The following LMX1B variants were observed in gnomAD, a reference collection of about 807,000 sequenced individuals.
The protein encoded by LMX1B is LIM homeobox transcription factor 1-beta.
LMX1B carries 12 observed loss-of-function variants against 51.4 expected under a neutral mutation model. That is an observed-to-expected ratio of 0.23 (90% confidence interval 0.15 to 0.38). The LOEUF is 0.38. Ranked by LOEUF, LMX1B falls within the 10% of genes least tolerant of loss-of-function variation. LMX1B has a pLI of 1.00. For missense variants in LMX1B, 445 were observed against 571.1 expected, an observed-to-expected ratio of 0.78 and a Z score of 2.25; for synonymous variants, 237 against 235.4, an observed-to-expected ratio of 1.01 and a Z score of -0.06.
At chr9:126,651,423 G>A (rs1836005166) in intron 2 of LMX1B, among the ~76,000 whole-genome samples, 1 of 151,996 alleles carries the variant, frequency 6.6e-6, no homozygotes, top group Non-Finnish European at 1.5e-5. Context: ...GGGGGCGGGG[G>A]TCAGCCCAGA....
chr9:126,667,921 GTGT>G (rs1836374795), intron 2 of LMX1B, among the ~76,000 whole-genome samples: 1 of 152,224 alleles, frequency 6.6e-6, no homozygotes, highest in African/African-American at 2.4e-5. Context: ...GGTCTGGAAG[GTGT>G]TGTTTGTTTT....
intron 2 of LMX1B, among the ~76,000 whole-genome samples, chr9:126,656,080 G>C (rs1836110788): frequency 6.6e-6 from 1 of 152,204 alleles, no homozygotes; most frequent in Non-Finnish European, 1.5e-5. Flanking sequence ...TAGCAGCCCA[G>C]GTGGAAGGAA....
intron 2 of LMX1B, among the ~76,000 whole-genome samples, chr9:126,665,954 A>T (rs1233696412): frequency 6.6e-6 from 1 of 152,258 alleles, no homozygotes; most frequent in East Asian, 1.9e-4. Flanking sequence ...GGAGAGGCTG[A>T]GATGTGCTGG....
Position 126,680,848 on chromosome 9 carries a change from G to A in LMX1B, c.327-9988G>A, listed in dbSNP as rs187428281. 1.2e-4 allele frequency among the ~76,000 whole-genome samples: 19 copies of A among 152,292 alleles called. No homozygotes were observed. The East Asian group carries it at 3.7e-3, about 29-fold the overall frequency. ...CACAGTGCCTGGCACATCATAGCTCGCAGCCTCCCTGATGCCCGGTTGGTC... is the reference window on the plus strand; with the variant it reads ...CACAGTGCCTGGCACATCATAGCTCACAGCCTCCCTGATGCCCGGTTGGTC... On this transcript the variant is annotated intron_variant, in intron 2 of 7. Transcript: ENST00000373474.
Position 126,671,210 on chromosome 9 carries a change from T to C in LMX1B, c.327-19626T>C, listed in dbSNP as rs1475956875. 1.3e-5 allele frequency among the ~76,000 whole-genome samples: 2 copies of C among 152,206 alleles called. No individual in the cohort carries two copies. The highest frequency in any genetic ancestry group is 4.8e-5 in the African/African-American group (2 of 41,458). ...CAGCTCTGCTTCGCCACCGCCGAGC[T>C]CTGAGCTGGGGGGAGGGGACCCCGC... is the stretch of plus-strand genomic sequence containing the variant. On this transcript the variant is annotated intron_variant, in intron 2 of 7. Transcript: ENST00000373474. This position sits in a 1 kb window ranked among gnomAD's most constrained non-coding sequence, Gnocchi z 4.4.
At position 126,615,676 on chromosome 9, in the gene LMX1B, C is replaced by A. The variant is rs1835290736; in HGVS notation, c.326+107C>A. On this transcript the variant is annotated intron_variant, in intron 2 of 7. Coordinates refer to ENST00000373474, the MANE Select transcript of LMX1B (RefSeq NM_001174147.2). This position sits in a 1 kb window ranked among gnomAD's most constrained non-coding sequence, Gnocchi z 6.0. ...GCTCTGCCGCCGGCTCTGTGCGCGG[C>A]TGGGCCGGGCAGCTCCAAGGGTTCC... 9.6e-7 allele frequency: 1 copy of A among 1,042,218 alleles called. No homozygotes were observed. The highest frequency in any genetic ancestry group is 1.3e-6 in the Non-Finnish European group (1 of 748,942). 64.6% of individuals were successfully genotyped at this position (1,042,218 alleles called of 1,614,324 possible).
chr9:126,660,066 G>T (rs1396875319), intron 2 of LMX1B, among the ~76,000 whole-genome samples: 1 of 150,144 alleles, frequency 6.7e-6, no homozygotes, highest in African/African-American at 2.5e-5. Flanking sequence ...CTGCGTGGGG[G>T]TGTCTACACT....
Position 126,614,416 on chromosome 9 carries a change from CG to C in LMX1B, c.-32del. ...TGGACGGGCCGGCGGGCGAGCAGCC[CG>C]GCCGGCGGGGTCCGCAGCGCGCCCC... On this transcript the variant is annotated 5_prime_UTR_variant, in exon 1 of 8. Transcript: ENST00000373474. 7.0e-7 allele frequency: 1 copy of C among 1,424,604 alleles called. No homozygotes were observed. The highest frequency in any genetic ancestry group is 9.2e-7 in the Non-Finnish European group (1 of 1,084,316). The allele number at this position is 1,424,604 out of a possible 1,614,324, so 88.2% of individuals were successfully genotyped here. A position where few individuals can be genotyped will look rare whatever the true frequency, so the allele number is the denominator to read the frequency against.
intron 2 of LMX1B, among the ~76,000 whole-genome samples, chr9:126,689,231 G>C (rs1003943405): frequency 1.3e-5 from 2 of 152,212 alleles, no homozygotes; most frequent in East Asian, 1.9e-4. Context: ...GCTCTGGCCA[G>C]TGCCCAGGCA....
chr9:126,642,617 C>T (rs977385442), intron 2 of LMX1B, among the ~76,000 whole-genome samples: 1 of 152,248 alleles, frequency 6.6e-6, no homozygotes, highest in Non-Finnish European at 1.5e-5. Flanking sequence ...GGCTTTGCCA[C>T]CGTCTCCCTC....
intron 2 of LMX1B, among the ~76,000 whole-genome samples, chr9:126,638,374 T>TCTGCACCACCCTGCAGCCC (rs1450434018): frequency 1.3e-5 from 2 of 151,836 alleles, no homozygotes; most frequent in Non-Finnish European, 1.5e-5. Flanking sequence ...CCCTGCAGCC[T>TCTGCACCACCCTGCAGCCC]CTGCACCACC....
At position 126,614,303 on chromosome 9, in the gene LMX1B, C is replaced by G; in HGVS notation, c.-147C>G. 1 of 367,176 alleles carries G rather than the reference C, an allele frequency of 2.7e-6. No individual in the cohort carries two copies. The highest frequency in any genetic ancestry group is 1.1e-4 in the South Asian group (1 of 9,482). The allele number at this position is 367,176 out of a possible 1,614,324, so 22.7% of individuals were successfully genotyped here. ...CCGGGGCCCGGGGCCAGCGCGTCGC[C>G]GCTCCACGATCGCCGGGGGCCGGCG... On this transcript the variant is annotated 5_prime_UTR_variant, in exon 1 of 8. Transcript: ENST00000373474.
At chr9:126,685,597 T>C (rs1217211622) in intron 2 of LMX1B, among the ~76,000 whole-genome samples, 1 of 151,462 alleles carries the variant, frequency 6.6e-6, no homozygotes, top group Non-Finnish European at 1.5e-5. Flanking sequence ...CTACTGAGAG[T>C]AGAGAGACCT....
At chr9:126,674,390 G>GA (rs886096558) in intron 2 of LMX1B, among the ~76,000 whole-genome samples, 3 of 119,378 alleles carry the variant, frequency 2.5e-5, no homozygotes, top group Non-Finnish European at 5.6e-5. Context: ...GGAGGAGGCT[G>GA]GGGGGGCATT....
At chr9:126,686,935 C>G (rs2118978954) in intron 2 of LMX1B, among the ~76,000 whole-genome samples, 2 of 152,334 alleles carry the variant, frequency 1.3e-5, no homozygotes, top group Middle Eastern at 6.8e-3. Flanking sequence ...CAGGAGTGCT[C>G]TGTCCAGATC....
At position 126,638,019 on chromosome 9, in the gene LMX1B, G is replaced by T. The variant is rs79257897; in HGVS notation, c.326+22450G>T. 2.4e-3 allele frequency among the ~76,000 whole-genome samples: 361 copies of T among 151,276 alleles called. 2 individuals are homozygous for T. Among genetic ancestry groups the T allele is most frequent in the African/African-American group, 8.4e-3 (348 of 41,226 alleles). Reference sequence around the variant, plus strand: ...CTCCCGCTCCGCAGCCCTGCCCGGGGACCTGCTTTGGCCCATGGCAGGCAG... The same window carrying T: ...CTCCCGCTCCGCAGCCCTGCCCGGGTACCTGCTTTGGCCCATGGCAGGCAG... On this transcript the variant is annotated intron_variant, in intron 2 of 7. Coordinates refer to ENST00000373474, the MANE Select transcript of LMX1B (RefSeq NM_001174147.2).
rs1564145908 is a variant in LMX1B, at chr9:126,621,652, C to CCTTTTTTTTTT, written c.326+6083_326+6084insCTTTTTTTTTT. Reference sequence around the variant, plus strand: ...CTATAGGGTTTTTCTCTCTCTCTCTCTTCTTTTTTTTTTTTTTTTTTTTTT... The same window carrying CCTTTTTTTTTT: ...CTATAGGGTTTTTCTCTCTCTCTCTCCTTTTTTTTTTTTCTTTTTTTTTTTTTTTTTTTTTT... On this transcript the variant is annotated intron_variant, in intron 2 of 7. Coordinates refer to ENST00000373474, the MANE Select transcript of LMX1B (RefSeq NM_001174147.2). Among the ~76,000 whole-genome samples, 3 of 100,306 alleles carry CCTTTTTTTTTT rather than the reference C, an allele frequency of 3.0e-5. 1 individual carries two copies. 65.8% of individuals were successfully genotyped at this position (100,306 alleles called of 152,430 possible). A position where few individuals can be genotyped will look rare whatever the true frequency, so the allele number is the denominator to read the frequency against.
chr9:126,661,145 C>T (rs1286403428), intron 2 of LMX1B, among the ~76,000 whole-genome samples: 1 of 152,220 alleles, frequency 6.6e-6, no homozygotes, highest in Admixed American at 6.5e-5. Flanking sequence ...AGGACAACCT[C>T]TGAGGCCAGT....
rs941409701 is a variant in LMX1B, at chr9:126,699,911, A to T, written c.*3460A>T. 2 of 152,242 alleles carry T rather than the reference A, an allele frequency of 1.3e-5. No homozygotes were observed. Among genetic ancestry groups the T allele is most frequent in the African/African-American group, 4.8e-5 (2 of 41,430 alleles). The allele number at this position is 152,242 out of a possible 1,614,324, so 9.4% of individuals were successfully genotyped here. ...CCGTGACATGGAACCTTCATCACTA[A>T]GGGGGCTGGAGTGGGAAGAGGGAGA... On this transcript the variant is annotated 3_prime_UTR_variant, in exon 8 of 8. Transcript: ENST00000373474.
Sources: gnomAD v4.1 joint callset for allele counts (sites outside exome capture counted in the v4.1 genomes callset) on GRCh38, gnomAD v4.1.1 for gene constraint, Gnocchi (gnomAD v3.1) non-coding constraint, MANE v1.5 for transcripts, NCBI Gene and HGNC (gene_info 2026-07-23, HGNC 2026-07-21) for gene names.